The following THSD4 variants were observed in gnomAD, a reference collection of about 807,000 sequenced individuals.
THSD4 encodes the protein thrombospondin type-1 domain-containing protein 4.
THSD4 carries 69 observed loss-of-function variants against 119.0 expected under a neutral mutation model. The ratio of observed to expected loss-of-function variants is 0.58; its 90% CI spans 0.48 to 0.71. THSD4 has a LOEUF of 0.71. Among genes scored for constraint, THSD4 ranks in the 30% least tolerant of loss-of-function variants. The probability of loss-of-function intolerance (pLI) is 0.00; values close to 1 mark genes in which losing one functional copy is unlikely to be tolerated. For synonymous variants in THSD4, 524 were observed against 540.4 expected, an observed-to-expected ratio of 0.97 and a Z score of 0.42; for missense variants, 1,393 against 1,391.1, an observed-to-expected ratio of 1.00 and a Z score of -0.02.
At chr15:71,397,904 C>A (rs1459834811) in intron 6 of THSD4, among the ~76,000 whole-genome samples, 2 of 152,150 alleles carry the variant, frequency 1.3e-5, no homozygotes, top group African/African-American at 4.8e-5. Flanking sequence ...GCACTCTAGC[C>A]AGGTTGGGTG....
intron 7 of THSD4, among the ~76,000 whole-genome samples, chr15:71,525,964 A>T (rs2048512333): frequency 6.6e-6 from 1 of 152,218 alleles, no homozygotes; most frequent in South Asian, 2.1e-4. Flanking sequence ...GCAGACACTC[A>T]GTAAACAGTA....
chr15:71,602,712 C>A (rs1029670435), intron 7 of THSD4, among the ~76,000 whole-genome samples: 2 of 152,066 alleles, frequency 1.3e-5, no homozygotes. Flanking sequence ...CTGCCAGGGG[C>A]TGGGAGTAGA....
chr15:71,452,753 T>C (rs2140587005), intron 7 of THSD4, among the ~76,000 whole-genome samples: 1 of 152,166 alleles, frequency 6.6e-6, no homozygotes, highest in African/African-American at 2.4e-5. Flanking sequence ...GTAGCTGGGA[T>C]TACAGGTGCC....
At chr15:71,419,744 CA>C (rs2046790154) in intron 7 of THSD4, among the ~76,000 whole-genome samples, 1 of 107,912 alleles carries the variant, frequency 9.3e-6, no homozygotes, top group Non-Finnish European at 2.0e-5. Flanking sequence ...ACTAATCATT[CA>C]GGAGCAAATT....
At chr15:71,645,028 A>G (rs1373818266) in intron 7 of THSD4, among the ~76,000 whole-genome samples, 1 of 152,118 alleles carries the variant, frequency 6.6e-6, no homozygotes, top group Non-Finnish European at 1.5e-5. Context: ...CTGTTTTTCT[A>G]TCATTATTTA....
At chr15:71,578,581 C>T (rs1240859669) in intron 7 of THSD4, among the ~76,000 whole-genome samples, 2 of 152,082 alleles carry the variant, frequency 1.3e-5, no homozygotes, top group Non-Finnish European at 2.9e-5. Flanking sequence ...AGGCAATCCA[C>T]CTGCCTCAGC....
chr15:71,442,435 G>A (rs1263663874), intron 7 of THSD4, among the ~76,000 whole-genome samples: 1 of 150,342 alleles, frequency 6.7e-6, no homozygotes, highest in Non-Finnish European at 1.5e-5. Context: ...TGGGCGTGGT[G>A]GCACATACCT....
chr15:71,676,642 C>T (rs918266474), intron 8 of THSD4, among the ~76,000 whole-genome samples: 1 of 152,178 alleles, frequency 6.6e-6, no homozygotes, highest in South Asian at 2.1e-4. Context: ...CTTTCCCCGT[C>T]CTCCAAGCCC....
intron 6 of THSD4, among the ~76,000 whole-genome samples, chr15:71,377,906 A>ACACC (rs2046169608): frequency 1.5e-5 from 1 of 66,318 alleles, no homozygotes; most frequent in African/African-American, 6.8e-5. Context: ...ACACACACAC[A>ACACC]CACACACAAT....
At chr15:71,585,704 CT>C (rs1448776476) in intron 7 of THSD4, among the ~76,000 whole-genome samples, 3 of 152,142 alleles carry the variant, frequency 2.0e-5, no homozygotes, top group African/African-American at 7.2e-5. Context: ...TTCTTTGACT[CT>C]CATAATGCAT....
chr15:71,672,971 A>C (rs1451950092), intron 8 of THSD4, among the ~76,000 whole-genome samples: 7 of 152,176 alleles, frequency 4.6e-5, no homozygotes, highest in Non-Finnish European at 1.0e-4. Flanking sequence ...TGTCTCTGCC[A>C]GGCTTTGGTA....
At chr15:71,628,859 C>A (rs974900210) in intron 7 of THSD4, among the ~76,000 whole-genome samples, 2 of 152,188 alleles carry the variant, frequency 1.3e-5, no homozygotes, top group Admixed American at 1.3e-4. Flanking sequence ...AGCCAGGCAT[C>A]CCCGGGAAAC....
intron 7 of THSD4, among the ~76,000 whole-genome samples, chr15:71,634,845 A>G (rs947686333): frequency 6.6e-6 from 1 of 152,202 alleles, no homozygotes; most frequent in Non-Finnish European, 1.5e-5. Flanking sequence ...TTAGAGTTGC[A>G]TCGTGCCATA....
intron 14 of THSD4, among the ~76,000 whole-genome samples, chr15:71,757,190 T>C (rs1040484969): frequency 7.9e-5 from 12 of 152,086 alleles, no homozygotes; most frequent in Admixed American, 1.3e-4. Context: ...AGTGAGGATA[T>C]CAACACTGAT....
chr15:71,358,514 C>T lies in THSD4; in HGVS notation c.1016-53173C>T, dbSNP rs116903551. On this transcript the variant is annotated intron_variant, in intron 6 of 17. Coordinates refer to ENST00000261862, the MANE Select transcript of THSD4 (RefSeq NM_024817.3). The stretch of plus-strand genomic sequence containing the variant: ...GGAACAAGTGTGGGGCTTTCAAGAG[C>T]TTCAGCTCTGGGGCCAGATTTCATA... Among the ~76,000 whole-genome samples the T allele has an allele frequency of 9.6e-4, 146 of 152,318 alleles. 1 individual carries two copies. The East Asian group carries it at 0.026, about 27-fold the overall frequency.
rs10540241 is a variant in THSD4 at position 71,135,991 on chromosome 15, G to GTTTTTTT, written c.-79-5438_-79-5432dup. The stretch of plus-strand genomic sequence containing the variant: ...GTCCTTTGGTTTTTTGTTTAGTTTA[G>GTTTTTTT]TTTTTTTTTTTTTTTTTTTTTTTTT... On this transcript the variant is annotated intron_variant, in intron 1 of 17. Coordinates refer to ENST00000261862, the MANE Select transcript of THSD4 (RefSeq NM_024817.3). 4.3e-5 allele frequency among the ~76,000 whole-genome samples: 3 copies of GTTTTTTT among 69,102 alleles called. 1 individual carries two copies. Among genetic ancestry groups the GTTTTTTT allele is most frequent in the Non-Finnish European group, 5.5e-5 (2 of 36,438 alleles). 45.3% of individuals were successfully genotyped at this position (69,102 alleles called of 152,430 possible).
intron 6 of THSD4, among the ~76,000 whole-genome samples, chr15:71,399,303 A>G (rs2046492762): frequency 6.6e-6 from 1 of 152,204 alleles, no homozygotes; most frequent in Admixed American, 6.5e-5. Context: ...AGGGTCTAAC[A>G]TATAGTAGGT....
At chr15:71,620,183 C>T (rs944852799) in intron 7 of THSD4, among the ~76,000 whole-genome samples, 2 of 152,140 alleles carry the variant, frequency 1.3e-5, no homozygotes, top group Non-Finnish European at 2.9e-5. Context: ...GGGAAAGTTA[C>T]CTAACATTTC....
intron 16 of THSD4, among the ~76,000 whole-genome samples, chr15:71,765,464 T>A (rs967724049): frequency 3.3e-5 from 5 of 152,218 alleles, no homozygotes; most frequent in African/African-American, 1.2e-4. Context: ...AGGATCTTGT[T>A]TGACAAGACC....
Sources: allele counts gnomAD v4.1 joint callset (sites outside exome capture counted in the v4.1 genomes callset), GRCh38; gene constraint gnomAD v4.1.1; transcripts MANE v1.5; gene names NCBI Gene and HGNC (gene_info 2026-07-23, HGNC 2026-07-21).